TG: variants seen among roughly 807,000 people sequenced by gnomAD.
TG encodes thyroglobulin.
In TG, 270 loss-of-function variants were observed where a neutral mutation model predicts 324.7. That is an observed-to-expected ratio of 0.83 (90% CI 0.75 to 0.92). The LOEUF (loss-of-function observed/expected upper bound fraction) is 0.92. TG is among the 40% of genes least tolerant of loss of function. TG has a pLI of 0.00. For synonymous variants in TG, 1,401 were observed against 1,327.0 expected (o/e 1.06, Z -1.21); for missense variants, 3,591 against 3,456.4 (o/e 1.04, Z -0.98).
At chr8:133,106,983 G>A (rs143617405) in intron 43 of TG, among the ~76,000 whole-genome samples, 385 of 152,280 alleles carry the variant, frequency 2.5e-3, no homozygotes, top group African/African-American at 7.4e-3. Context: ...ACCACTCGGC[G>A]TGAACTAAAG....
At chr8:133,018,695 A>G (rs1467681432) in intron 38 of TG, among the ~76,000 whole-genome samples, 1 of 152,094 alleles carries the variant, frequency 6.6e-6, no homozygotes, top group East Asian at 1.9e-4. Flanking sequence ...TGAAAACAGC[A>G]CTTATTACTG....
intron 27 of TG, among the ~76,000 whole-genome samples, chr8:132,954,917 T>C (rs1347958836): frequency 6.6e-6 from 1 of 152,194 alleles, no homozygotes; most frequent in African/African-American, 2.4e-5. Flanking sequence ...GATCCTGATA[T>C]CTGCCTCCTG....
chr8:133,087,125 G>C (rs1846717790), intron 41 of TG, among the ~76,000 whole-genome samples: 1 of 137,658 alleles, frequency 7.3e-6, no homozygotes, highest in Non-Finnish European at 1.6e-5. Flanking sequence ...CACACACACG[G>C]AAGAGACATA....
chr8:133,020,488 T>C (rs1259672155), intron 39 of TG, among the ~76,000 whole-genome samples: 2 of 152,144 alleles, frequency 1.3e-5, no homozygotes, highest in African/African-American at 2.4e-5. Context: ...AGCTACCCAA[T>C]AAAGATGAGT....
Position 132,911,415 on chromosome 8 carries a change from C to T in TG, c.4041C>T (p.Cys1347=). The part of the protein sequence containing the change: ...TFGTLVSIPV[C]NNSSVQVGCL... ...GCACCCTGGTTTCCATTCCTGTCTGCAACAACTCCTCTGTGCAGGTGGGTT... is the reference window on the plus strand; with the variant it reads ...GCACCCTGGTTTCCATTCCTGTCTGTAACAACTCCTCTGTGCAGGTGGGTT... Residue 1347 remains cysteine (C), a synonymous_variant, in exon 19 of 48, where the codon TGC becomes TGT. Transcript: ENST00000220616. 1.9e-6 allele frequency: 3 copies of T among 1,614,224 alleles called. No individual in the cohort carries two copies. The highest frequency in any genetic ancestry group is 2.5e-6 in the Non-Finnish European group (3 of 1,180,034).
intron 35 of TG, among the ~76,000 whole-genome samples, chr8:132,991,971 G>A (rs1280284651): frequency 1.3e-5 from 2 of 152,138 alleles, no homozygotes; most frequent in South Asian, 2.1e-4. Flanking sequence ...GAGGAAACTG[G>A]TTCCCAGTTC....
intron 45 of TG, among the ~76,000 whole-genome samples, chr8:133,122,819 C>T (rs58224093): frequency 0.026 from 3,952 of 152,252 alleles, 164 homozygotes; most frequent in African/African-American, 0.09. Context: ...GAGAAAAAAA[C>T]TCACCAGCTT....
intron 41 of TG, among the ~76,000 whole-genome samples, chr8:133,094,182 A>C (rs1365829148): frequency 6.6e-6 from 1 of 151,932 alleles, no homozygotes; most frequent in Non-Finnish European, 1.5e-5. Context: ...GGCAGAGATG[A>C]ACTTCCTGGA....
At chr8:133,008,094 A>G (rs1834182757) in intron 35 of TG, among the ~76,000 whole-genome samples, 1 of 152,246 alleles carries the variant, frequency 6.6e-6, no homozygotes, top group Non-Finnish European at 1.5e-5. Context: ...TCTTAATGGC[A>G]TCAAATATTA....
At chr8:132,983,567 G>A (rs1831170200) in intron 35 of TG, 155 bp downstream of exon 35, 1 of 770,192 alleles carries the variant, frequency 1.3e-6, no homozygotes, top group Middle Eastern at 2.3e-4. Flanking sequence ...TAAGTGGGGT[G>A]AGTACCAGCA....
At chr8:133,027,681 C>A (rs929796352) in intron 40 of TG, among the ~76,000 whole-genome samples, 1 of 152,178 alleles carries the variant, frequency 6.6e-6, no homozygotes, top group Non-Finnish European at 1.5e-5. Context: ...AAATAAAGCA[C>A]TGAAAATTTT....
At chr8:133,114,251 C>T (rs1850510707) in intron 44 of TG, among the ~76,000 whole-genome samples, 2 of 152,162 alleles carry the variant, frequency 1.3e-5, no homozygotes, top group Non-Finnish European at 2.9e-5. Flanking sequence ...TTCTTGTATC[C>T]ACTGCTTACA....
intron 20 of TG, among the ~76,000 whole-genome samples, chr8:132,918,170 C>T (rs923347480): frequency 2.0e-5 from 3 of 152,004 alleles, no homozygotes; most frequent in Non-Finnish European, 2.9e-5. Flanking sequence ...GAGGAAACAG[C>T]GTGTGCATTC....
At chr8:132,950,053 G>A (rs1036349545) in intron 27 of TG, among the ~76,000 whole-genome samples, 4 of 152,220 alleles carry the variant, frequency 2.6e-5, no homozygotes, top group Admixed American at 2.6e-4. Context: ...TGGGTCCCAG[G>A]AATCTGTGTT....
intron 40 of TG, among the ~76,000 whole-genome samples, chr8:133,024,256 TC>T (rs1172261819): frequency 6.6e-6 from 1 of 152,238 alleles, no homozygotes; most frequent in East Asian, 1.9e-4. Context: ...TCCCTGTTCT[TC>T]AGCTGTGCTG....
rs11359047 is a variant in TG, at chr8:132,872,477, CAAAA to C, written c.479-564_479-561del. ...TGGGCGGCAGAGCAAGACTCCGTCT[CAAAA>C]AAAAAAAAAAAAAAAAAAAATGTTG... On this transcript the variant is annotated intron_variant, in intron 4 of 47. Coordinates refer to ENST00000220616, the MANE Select transcript of TG (RefSeq NM_003235.5). Among the ~76,000 whole-genome samples the C allele has an allele frequency of 4.5e-4, 33 of 73,142 alleles. No homozygotes were observed. In the East Asian group the frequency reaches 8.5e-3, roughly 19 times the overall value. 48.0% of individuals were successfully genotyped at this position (73,142 alleles called of 152,430 possible). A position where few individuals can be genotyped will look rare whatever the true frequency, so the allele number is the denominator to read the frequency against.
chr8:132,941,813 T>A (rs765844727), intron 26 of TG, among the ~76,000 whole-genome samples: 3 of 152,240 alleles, frequency 2.0e-5, no homozygotes, highest in Non-Finnish European at 2.9e-5. Flanking sequence ...TTTTACACAC[T>A]GAGAAACTAA....
At chr8:133,004,204 T>C (rs148641912) in intron 35 of TG, among the ~76,000 whole-genome samples, 1 of 152,156 alleles carries the variant, frequency 6.6e-6, no homozygotes, top group African/African-American at 2.4e-5. Flanking sequence ...TAGGGCCTTC[T>C]GGTGAGCTAC....
chr8:132,900,244 A>G lies in TG; in HGVS notation c.3338A>G (p.Glu1113Gly). ...LFVPACLETG[E>G]YARLQASGAG... ...ACCCCGGCTTTGTCTCAGACAGGAG[A>G]GTATGCCAGGCTGCAGGCATCGGGG... Residue 1113 changes from glutamate to glycine, a missense_variant, in exon 15 of 48, where the codon GAG becomes GGG. Glu to Gly is a moderately conservative substitution (Grantham distance 98). Coordinates refer to ENST00000220616, the MANE Select transcript of TG (RefSeq NM_003235.5). 4 of 1,613,786 alleles carry G rather than the reference A, an allele frequency of 2.5e-6. No individual in the cohort carries two copies. Among genetic ancestry groups the G allele is most frequent in the Non-Finnish European group, 2.5e-6 (3 of 1,179,928 alleles).
Sources: gnomAD v4.1 joint callset for allele counts (sites outside exome capture counted in the v4.1 genomes callset) on GRCh38, gnomAD v4.1.1 for gene constraint, MANE v1.5 for transcripts, NCBI Gene and HGNC (gene_info 2026-07-23, HGNC 2026-07-21) for gene names.